Variants in STK32B observed in about 807,000 individuals in gnomAD.
STK32B encodes the protein serine/threonine-protein kinase 32B.
A neutral mutation model predicts 52.6 loss-of-function variants in STK32B; 43 were observed. The ratio of observed to expected loss-of-function variants is 0.82; its 90% CI spans 0.64 to 1.05. STK32B has a LOEUF of 1.05. STK32B is among the 50% of genes least tolerant of loss of function. The probability of loss-of-function intolerance (pLI) is 0.00; values close to 1 mark genes in which losing one functional copy is unlikely to be tolerated. For synonymous variants in STK32B, 238 were observed against 204.3 expected, an observed-to-expected ratio of 1.17 and a Z score of -1.41; for missense variants, 621 against 534.6, an observed-to-expected ratio of 1.16 and a Z score of -1.59.
At chr4:5,295,381 T>C (rs7698316) in intron 3 of STK32B, among the ~76,000 whole-genome samples, 20,695 of 151,514 alleles carry the variant, frequency 0.14, 2,799 homozygotes, top group African/African-American at 0.35. Context: ...TGGTATAATT[T>C]GGCTGTGAAT....
At chr4:5,185,290 C>T (rs978943877) in intron 3 of STK32B, among the ~76,000 whole-genome samples, 1 of 152,136 alleles carries the variant, frequency 6.6e-6, no homozygotes, top group African/African-American at 2.4e-5. Flanking sequence ...AATGAATGAA[C>T]ATTCTCAGGA....
intron 3 of STK32B, among the ~76,000 whole-genome samples, chr4:5,308,570 G>T (rs1046672731): frequency 1.8e-4 from 28 of 152,150 alleles, no homozygotes; most frequent in African/African-American, 6.5e-4. Context: ...CAGAAAGTTA[G>T]CGTCATTCAT....
intron 3 of STK32B, 104 bp downstream of exon 3, chr4:5,168,554 A>G (rs1311720668): frequency 7.4e-6 from 10 of 1,357,388 alleles, no homozygotes; most frequent in South Asian, 1.7e-5. Context: ...AGGGAAAGGG[A>G]TGCAATTTTC....
chr4:5,097,084 C>A (rs1577065924), intron 1 of STK32B, among the ~76,000 whole-genome samples: 1 of 152,178 alleles, frequency 6.6e-6, no homozygotes, highest in East Asian at 1.9e-4. Flanking sequence ...GACTTTGATT[C>A]TTCTTCTTGT....
At chr4:5,321,959 G>A (rs912267590) in intron 3 of STK32B, among the ~76,000 whole-genome samples, 9 of 145,170 alleles carry the variant, frequency 6.2e-5, no homozygotes, top group Non-Finnish European at 1.2e-4. Context: ...AACAATGAGA[G>A]CCATCATGTT....
chr4:5,197,942 G>GT (rs369705305), intron 3 of STK32B, among the ~76,000 whole-genome samples: 3,733 of 150,242 alleles, frequency 0.025, 57 homozygotes, highest in Middle Eastern at 0.075. Flanking sequence ...GTTTTCTGTT[G>GT]TTTTTTTTTC....
rs745354091 is a variant in STK32B at position 5,460,183 on chromosome 4, G to C, written c.864G>C (p.Trp288Cys). ...TGCCCTACTTGGCCGACATGAACTG[G>C]GACGCGGTGTTCAAGAAGGCACTGA... ...QSVPYLADMNWDAVFKKALMP... is the reference protein window; with the variant it reads ...QSVPYLADMNCDAVFKKALMP... Residue 288 changes from tryptophan to cysteine, a missense_variant, in exon 9 of 12, where the codon TGG becomes TGC. Coordinates refer to ENST00000282908, the MANE Select transcript of STK32B (RefSeq NM_018401.3). This position sits in a 1 kb window ranked among gnomAD's most constrained non-coding sequence, Gnocchi z 4.8. 9.9e-6 allele frequency: 16 copies of C among 1,613,972 alleles called. No individual in the cohort carries two copies. Among genetic ancestry groups the C allele is most frequent in the African/African-American group, 1.3e-5 (1 of 74,912 alleles).
intron 4 of STK32B, chr4:5,345,318 T>A (rs1289912463): frequency 6.6e-6 from 1 of 151,956 alleles, no homozygotes; most frequent in African/African-American, 2.4e-5. Flanking sequence ...TCCTTTTTTT[T>A]TTTTTTTAGC....
intron 1 of STK32B, among the ~76,000 whole-genome samples, chr4:5,105,051 G>T (rs1436425815): frequency 6.6e-6 from 1 of 152,152 alleles, no homozygotes; most frequent in Non-Finnish European, 1.5e-5. Context: ...CACTTGCGAC[G>T]TAAGAGGGAT....
chr4:5,377,620 C>G (rs898303297), intron 4 of STK32B, among the ~76,000 whole-genome samples: 2 of 152,176 alleles, frequency 1.3e-5, no homozygotes, highest in African/African-American at 2.4e-5. Context: ...CCCATAATCC[C>G]CACGTGTCAA....
chr4:5,293,461 G>C (rs1467942656), intron 3 of STK32B, among the ~76,000 whole-genome samples: 1 of 152,068 alleles, frequency 6.6e-6, no homozygotes, highest in Admixed American at 6.5e-5. Flanking sequence ...GTTGTTTCCT[G>C]ACTTTTTAAT....
intron 2 of STK32B, among the ~76,000 whole-genome samples, chr4:5,158,243 C>T (rs1334511050): frequency 6.6e-6 from 1 of 152,140 alleles, no homozygotes; most frequent in African/African-American, 2.4e-5. Context: ...CTTTGCCCTT[C>T]TACAGAGTGT....
chr4:5,428,713 C>G (rs1225182971), intron 6 of STK32B, among the ~76,000 whole-genome samples: 1 of 152,134 alleles, frequency 6.6e-6, no homozygotes, highest in Admixed American at 6.5e-5. Flanking sequence ...GATTTTTTGT[C>G]TACTTCTTAT....
At chr4:5,496,061 C>T (rs1433424088) in intron 11 of STK32B, among the ~76,000 whole-genome samples, 2 of 152,228 alleles carry the variant, frequency 1.3e-5, no homozygotes, top group Admixed American at 6.5e-5. Flanking sequence ...TCTGCCTGTT[C>T]TCAGATCTCC....
chr4:5,243,199 C>G (rs1270867184), intron 3 of STK32B, among the ~76,000 whole-genome samples: 1 of 152,152 alleles, frequency 6.6e-6, no homozygotes, highest in African/African-American at 2.4e-5. Context: ...ATTGATTCTT[C>G]CTACCCATGA....
intron 4 of STK32B, among the ~76,000 whole-genome samples, chr4:5,364,964 C>T (rs1163124328): frequency 2.0e-5 from 3 of 152,152 alleles, no homozygotes; most frequent in Admixed American, 1.3e-4. Context: ...CAACCTCTAC[C>T]TCCTGGGTCC....
At chr4:5,246,990 G>A (rs961172398) in intron 3 of STK32B, among the ~76,000 whole-genome samples, 1 of 152,174 alleles carries the variant, frequency 6.6e-6, no homozygotes, top group Non-Finnish European at 1.5e-5. Context: ...CCTACTGGGG[G>A]GTACCTCCCT....
rs146242179 is a variant in STK32B at position 5,493,925 on chromosome 4, A to T, written c.1107-5020A>T. Among the ~76,000 whole-genome samples, 110 of 152,352 alleles carry T rather than the reference A, an allele frequency of 7.2e-4. 2 individuals are homozygous for T. The East Asian group carries it at 0.02, about 28-fold the overall frequency. ...TCTTAATCCTGAGTTCTAGTTTGAT[A>T]GCACTGTGGTCTGAGAGACAGTTTG... On this transcript the variant is annotated intron_variant, in intron 11 of 11. Transcript: ENST00000282908.
At chr4:5,078,053 A>C (rs921738960) in intron 1 of STK32B, among the ~76,000 whole-genome samples, 2 of 152,144 alleles carry the variant, frequency 1.3e-5, no homozygotes, top group African/African-American at 4.8e-5. Flanking sequence ...ACGTCTTAAC[A>C]TGGCTGCCAC....
Sources: allele counts gnomAD v4.1 joint callset (sites outside exome capture counted in the v4.1 genomes callset), GRCh38; gene constraint gnomAD v4.1.1; non-coding constraint Gnocchi (gnomAD v3.1); transcripts MANE v1.5; gene names NCBI Gene and HGNC (gene_info 2026-07-23, HGNC 2026-07-21).